The following NRCAM variants were observed in gnomAD, a reference collection of about 807,000 sequenced individuals.
NRCAM encodes NgCAM-related cell adhesion molecule.
NRCAM carries 83 observed loss-of-function variants against 156.5 expected under a neutral mutation model. That is an observed-to-expected ratio of 0.53 (90% CI 0.44 to 0.64). The LOEUF (loss-of-function observed/expected upper bound fraction) is 0.64, where lower values mean the gene tolerates loss of function less well. Among genes scored for constraint, NRCAM ranks in the 30% least tolerant of loss-of-function variants. The pLI, the probability that NRCAM is intolerant of heterozygous loss-of-function variation, is 0.00. For synonymous variants in NRCAM, 538 were observed against 563.9 expected, an observed-to-expected ratio of 0.95 and a Z score of 0.65; for missense variants, 1,417 against 1,597.3, an observed-to-expected ratio of 0.89 and a Z score of 1.92.
At chr7:108,207,365 A>G (rs2081710965) in intron 13 of NRCAM, 163 bp downstream of exon 13, 2 of 580,838 alleles carry the variant, frequency 3.4e-6, no homozygotes, top group African/African-American at 1.9e-5. Flanking sequence ...CATAATAAAT[A>G]TCTAATGGTA....
At chr7:108,275,499 T>TC (rs1203066883) in intron 3 of NRCAM, among the ~76,000 whole-genome samples, 1 of 152,232 alleles carries the variant, frequency 6.6e-6, no homozygotes, top group African/African-American at 2.4e-5. Flanking sequence ...ATCCATTTCT[T>TC]CTAGATTTTG....
At chr7:108,253,181 A>G (rs576845325) in intron 3 of NRCAM, among the ~76,000 whole-genome samples, 1 of 152,358 alleles carries the variant, frequency 6.6e-6, no homozygotes, top group African/African-American at 2.4e-5. Flanking sequence ...GGGGGATTCA[A>G]ATATGAATTC....
chr7:108,240,133 C>T lies in NRCAM; in HGVS notation c.-69G>A, dbSNP rs77781570. On this transcript the variant is annotated 5_prime_UTR_variant, in exon 4 of 33. Coordinates refer to ENST00000379028, the MANE Select transcript of NRCAM (RefSeq NM_001037132.4). ...TTCTTTCACAAAAGATTTTGTGAAA[C>T]GTTGTGTGCAACGTTTAAGTAATTT... The T allele has an allele frequency of 5.1e-3, 5,491 of 1,077,244 alleles. 166 individuals are homozygous for T. The African/African-American group carries it at 0.074, about 14-fold the overall frequency. 66.7% of individuals were successfully genotyped at this position (1,077,244 alleles called of 1,614,324 possible). A position where few individuals can be genotyped will look rare whatever the true frequency, so the allele number is the denominator to read the frequency against.
At chr7:108,244,029 G>C (rs1421199479) in intron 3 of NRCAM, among the ~76,000 whole-genome samples, 1 of 152,136 alleles carries the variant, frequency 6.6e-6, no homozygotes, top group Non-Finnish European at 1.5e-5. Flanking sequence ...TCAAGCCTGA[G>C]AGAAACAGCT....
intron 2 of NRCAM, among the ~76,000 whole-genome samples, chr7:108,357,782 A>T (rs921182318): frequency 1.3e-5 from 2 of 152,202 alleles, no homozygotes; most frequent in African/African-American, 4.8e-5. Flanking sequence ...TCCATTGGTG[A>T]TTAAATTAGG....
intron 2 of NRCAM, among the ~76,000 whole-genome samples, chr7:108,371,381 C>A (rs548966324): frequency 2.6e-5 from 4 of 152,132 alleles, no homozygotes; most frequent in African/African-American, 9.6e-5. Context: ...TCTACTCTGC[C>A]ACTACAACCA....
chr7:108,338,723 C>T (rs2099238442), intron 2 of NRCAM, among the ~76,000 whole-genome samples: 1 of 151,900 alleles, frequency 6.6e-6, no homozygotes, highest in Non-Finnish European at 1.5e-5. Context: ...AAAAGTGTGC[C>T]CTATTCCTTT....
chr7:108,416,018 A>G (rs1229356174), intron 1 of NRCAM, among the ~76,000 whole-genome samples: 2 of 152,218 alleles, frequency 1.3e-5, no homozygotes, highest in African/African-American at 2.4e-5. Flanking sequence ...TCTGTCATGA[A>G]GTTCCCTTTT....
intron 3 of NRCAM, among the ~76,000 whole-genome samples, chr7:108,290,262 G>C (rs1440373353): frequency 2.6e-5 from 4 of 152,012 alleles, no homozygotes; most frequent in Non-Finnish European, 5.9e-5. Context: ...AAAGAATAAG[G>C]ACTAGGAAGA....
intron 1 of NRCAM, among the ~76,000 whole-genome samples, chr7:108,402,112 T>C (rs1447734453): frequency 6.6e-6 from 1 of 152,166 alleles, no homozygotes; most frequent in Non-Finnish European, 1.5e-5. Context: ...CCTAAATAAC[T>C]CAGTCCATCA....
chr7:108,361,869 C>T (rs4730305), intron 2 of NRCAM, among the ~76,000 whole-genome samples: 92,700 of 151,778 alleles, frequency 0.61, 28,865 homozygotes, highest in East Asian at 0.92. Flanking sequence ...GTATTATATA[C>T]GTATATATTT....
intron 1 of NRCAM, among the ~76,000 whole-genome samples, chr7:108,420,364 C>T (rs1223823261): frequency 1.3e-5 from 2 of 152,112 alleles, no homozygotes; most frequent in African/African-American, 4.8e-5. Context: ...AAACAGTGAG[C>T]ACTACTTTGC....
intron 3 of NRCAM, among the ~76,000 whole-genome samples, chr7:108,276,689 A>C (rs944215616): frequency 1.3e-5 from 2 of 151,860 alleles, no homozygotes; most frequent in African/African-American, 4.8e-5. Context: ...CTCTTTATCT[A>C]ATTTGCCAGT....
intron 2 of NRCAM, among the ~76,000 whole-genome samples, chr7:108,347,226 T>C (rs1250355295): frequency 6.6e-6 from 1 of 151,886 alleles, no homozygotes; most frequent in Non-Finnish European, 1.5e-5. Flanking sequence ...TTTATAGAGA[T>C]GGGATTTCAC....
chr7:108,237,741 AG>A lies in NRCAM; in HGVS notation c.124+10del. 1.9e-6 allele frequency: 3 copies of A among 1,583,148 alleles called. No individual in the cohort carries two copies. Among genetic ancestry groups the A allele is most frequent in the Non-Finnish European group, 2.6e-6 (3 of 1,166,006 alleles). ...TTCACACTGCCTAGTAATTTATAGA[AG>A]GACACTTACAGTCTTCAAGAAGTTT... On this transcript the variant is annotated intron_variant, in intron 5 of 32. Coordinates refer to ENST00000379028, the MANE Select transcript of NRCAM (RefSeq NM_001037132.4).
At chr7:108,275,963 C>T (rs756345747) in intron 3 of NRCAM, among the ~76,000 whole-genome samples, 1 of 152,110 alleles carries the variant, frequency 6.6e-6, no homozygotes, top group Non-Finnish European at 1.5e-5. Context: ...CAAAGAACAT[C>T]TTTATTTCTG....
intron 2 of NRCAM, among the ~76,000 whole-genome samples, chr7:108,314,817 T>C (rs2098873543): frequency 6.6e-6 from 1 of 152,114 alleles, no homozygotes; most frequent in Non-Finnish European, 1.5e-5. Context: ...TTACAAGCAG[T>C]ATTAGGTAAA....
intron 2 of NRCAM, among the ~76,000 whole-genome samples, chr7:108,322,393 T>C (rs960479786): frequency 9.2e-5 from 14 of 152,206 alleles, no homozygotes; most frequent in Admixed American, 9.2e-4. Context: ...GGTTTCCAAA[T>C]ATGACTCTGA....
chr7:108,150,104 G>A lies in NRCAM; in HGVS notation c.3721C>T (p.Pro1241Ser). The A allele has an allele frequency of 6.2e-7, 1 of 1,612,744 alleles. No homozygotes were observed. Among genetic ancestry groups the A allele is most frequent in the South Asian group, 1.1e-5 (1 of 90,594 alleles). ...TCTTTTTTCACAGTCCTGTCTGAAG[G>A]AGTTCGACTTCCTTTTTTCAAAGGC... ...HKPLKKGSRTPSDRTVKKEDS... is the reference protein window; with the variant it reads ...HKPLKKGSRTSSDRTVKKEDS... Residue 1241 changes from proline to serine, a missense_variant, in exon 33 of 33, where the codon CCT (proline) becomes TCT (serine). By Grantham distance (74) the Pro-to-Ser change is moderately conservative. Around this residue, in one of 2 missense-constraint regions of NRCAM, gnomAD observed 179 missense variants for 260.9 expected, o/e 0.69. Transcript: ENST00000379028.
Sources: allele counts gnomAD v4.1 joint callset (sites outside exome capture counted in the v4.1 genomes callset), GRCh38; gene constraint gnomAD v4.1.1; regional missense constraint gnomAD v4.1.1; transcripts MANE v1.5; gene names NCBI Gene and HGNC (gene_info 2026-07-23, HGNC 2026-07-21).